BABAM2: variants seen among roughly 807,000 people sequenced by gnomAD.
BABAM2 encodes the protein BRISC and BRCA1-A complex member 2.
A neutral mutation model predicts 54.7 loss-of-function variants in BABAM2; 31 were observed. The observed-to-expected ratio is 0.57, with a 90% CI of 0.43 to 0.77. BABAM2 has a LOEUF of 0.77. Among genes scored for constraint, BABAM2 ranks in the 30% least tolerant of loss-of-function variants. BABAM2 has a pLI of 0.00. For synonymous variants in BABAM2, 167 were observed against 162.9 expected (o/e 1.03, Z -0.19); for missense variants, 364 against 455.8 (o/e 0.80, Z 1.83).
At chr2:28,060,709 A>T (rs1484110834) in intron 6 of BABAM2, among the ~76,000 whole-genome samples, 7 of 152,210 alleles carry the variant, frequency 4.6e-5, no homozygotes, top group Non-Finnish European at 7.3e-5. Context: ...TTAAAATTTG[A>T]TATTTTAAAG....
At position 28,306,843 on chromosome 2, in the gene BABAM2, C is replaced by T. The variant is rs193287255; in HGVS notation, c.1088+8352C>T. Among the ~76,000 whole-genome samples, 837 of 151,010 alleles carry T rather than the reference C, an allele frequency of 5.5e-3. 14 individuals are homozygous for T. The highest frequency in any genetic ancestry group is 0.049 in the South Asian group (232 of 4,770). ...TCCCGAGTAGCTGGGACTACAGGCT[C>T]GCGCCACTATTGCCTGGCTAATTTT... On this transcript the variant is annotated intron_variant, in intron 11 of 11. Coordinates refer to ENST00000379624, the MANE Select transcript of BABAM2 (RefSeq NM_199191.3).
chr2:28,217,658 C>T (rs569272105), intron 7 of BABAM2, among the ~76,000 whole-genome samples: 4 of 152,276 alleles, frequency 2.6e-5, no homozygotes. Flanking sequence ...TTCATTCACA[C>T]TTCAGCTTAA....
At chr2:27,894,737 C>G (rs938616265) in intron 2 of BABAM2, 53 bp downstream of exon 2, 3 of 1,600,540 alleles carry the variant, frequency 1.9e-6, no homozygotes, top group African/African-American at 1.3e-5. Context: ...CAACCTTTAC[C>G]TAATGACAGC....
chr2:28,305,540 C>T (rs1233499556), intron 11 of BABAM2, among the ~76,000 whole-genome samples: 2 of 152,132 alleles, frequency 1.3e-5, no homozygotes, highest in Non-Finnish European at 2.9e-5. Flanking sequence ...CAGTACTATG[C>T]TGGCTTCATT....
intron 7 of BABAM2, among the ~76,000 whole-genome samples, chr2:28,144,795 G>A (rs1172395510): frequency 6.6e-6 from 1 of 152,188 alleles, no homozygotes; most frequent in Non-Finnish European, 1.5e-5. Context: ...GAAGACACAT[G>A]GAGATATTAA....
rs189588266 is a variant in BABAM2, at chr2:27,917,737, A to G, written c.129-12095A>G. 2.6e-5 allele frequency among the ~76,000 whole-genome samples: 4 copies of G among 152,296 alleles called. No individual in the cohort carries two copies. The East Asian group carries it at 7.7e-4, about 29-fold the overall frequency. ...TTATTTTATTGTGTACCTCTGCTAC[A>G]TGCATATTTACTTATAAAAATATAT... On this transcript the variant is annotated intron_variant, in intron 2 of 11. Coordinates refer to ENST00000379624, the MANE Select transcript of BABAM2 (RefSeq NM_199191.3).
At chr2:27,993,039 A>G (rs1253267032) in intron 4 of BABAM2, among the ~76,000 whole-genome samples, 1 of 152,170 alleles carries the variant, frequency 6.6e-6, no homozygotes, top group Non-Finnish European at 1.5e-5. Context: ...CAAAGCACTT[A>G]TCATCATTTG....
chr2:28,028,923 C>T (rs989118311), intron 5 of BABAM2, among the ~76,000 whole-genome samples: 17 of 151,988 alleles, frequency 1.1e-4, no homozygotes, highest in African/African-American at 2.2e-4. Flanking sequence ...CATGCCACCA[C>T]GCCCGGCTAA....
At chr2:27,963,712 A>T (rs906945149) in intron 3 of BABAM2, among the ~76,000 whole-genome samples, 1 of 152,124 alleles carries the variant, frequency 6.6e-6, no homozygotes, top group African/African-American at 2.4e-5. Flanking sequence ...TAGATGTTTC[A>T]TATGTTATTA....
intron 7 of BABAM2, among the ~76,000 whole-genome samples, chr2:28,161,327 TG>T (rs755326418): frequency 6.6e-6 from 1 of 152,152 alleles, no homozygotes; most frequent in Non-Finnish European, 1.5e-5. Flanking sequence ...GTCTAGGTGC[TG>T]GGGTCAACCA....
intron 3 of BABAM2, among the ~76,000 whole-genome samples, chr2:27,940,635 A>ATTGGTAGTTTGCTAACG (rs1426789478): frequency 1.3e-5 from 2 of 152,218 alleles, no homozygotes. Context: ...GTTTGCTAAC[A>ATTGGTAGTTTGCTAACG]TTGGTTTTAC....
chr2:28,079,187 A>T (rs1033902453), intron 6 of BABAM2, among the ~76,000 whole-genome samples: 2 of 152,178 alleles, frequency 1.3e-5, no homozygotes, highest in African/African-American at 4.8e-5. Flanking sequence ...CTCAAAACAG[A>T]AATTTCAGAA....
chr2:28,303,549 C>T (rs1219155776), intron 11 of BABAM2, among the ~76,000 whole-genome samples: 1 of 152,040 alleles, frequency 6.6e-6, no homozygotes, highest in East Asian at 1.9e-4. Flanking sequence ...GGTTTGTATA[C>T]CAATATTTCT....
At chr2:28,187,829 C>T (rs529790541) in intron 7 of BABAM2, among the ~76,000 whole-genome samples, 2 of 151,932 alleles carry the variant, frequency 1.3e-5, no homozygotes, top group African/African-American at 2.4e-5. Flanking sequence ...CCACCACGCC[C>T]GGTTTATTTT....
At chr2:27,963,411 G>A (rs1054536072) in intron 3 of BABAM2, among the ~76,000 whole-genome samples, 4 of 149,766 alleles carry the variant, frequency 2.7e-5, no homozygotes, top group Admixed American at 6.7e-5. Context: ...CAGAGGTTGC[G>A]GTGAGCTGAG....
At chr2:27,944,820 A>G (rs185336847) in intron 3 of BABAM2, among the ~76,000 whole-genome samples, 764 of 152,250 alleles carry the variant, frequency 5.0e-3, no homozygotes, top group Non-Finnish European at 7.7e-3. Context: ...AAGTAGTTGC[A>G]CTATTTTACA....
chr2:27,956,462 A>G (rs985790204), intron 3 of BABAM2, among the ~76,000 whole-genome samples: 2 of 152,214 alleles, frequency 1.3e-5, no homozygotes, highest in African/African-American at 4.8e-5. Context: ...TCTCTAAAAT[A>G]ATATATTGTT....
intron 3 of BABAM2, among the ~76,000 whole-genome samples, chr2:27,937,286 G>A (rs1207823902): frequency 6.6e-6 from 1 of 152,122 alleles, no homozygotes; most frequent in Non-Finnish European, 1.5e-5. Flanking sequence ...TTCAGATGCA[G>A]TTTGTTTTTT....
At chr2:28,094,714 C>T (rs1666450616) in intron 6 of BABAM2, among the ~76,000 whole-genome samples, 1 of 152,010 alleles carries the variant, frequency 6.6e-6, no homozygotes, top group South Asian at 2.1e-4. Context: ...TTCCGGTTCT[C>T]TATAGACAGT....
Sources: gnomAD v4.1 joint callset for allele counts (sites outside exome capture counted in the v4.1 genomes callset) on GRCh38, gnomAD v4.1.1 for gene constraint, MANE v1.5 for transcripts, NCBI Gene and HGNC (gene_info 2026-07-23, HGNC 2026-07-21) for gene names.